RANBP2: variants seen among roughly 807,000 people sequenced by gnomAD.
RANBP2 encodes the protein E3 SUMO-protein ligase RanBP2.
RANBP2 carries 57 observed loss-of-function variants against 303.6 expected under a neutral mutation model. The ratio of observed to expected loss-of-function variants is 0.19; its 90% CI spans 0.15 to 0.23. RANBP2 has a LOEUF of 0.23. Among genes scored for constraint, RANBP2 ranks in the 10% least tolerant of loss-of-function variants. The probability of loss-of-function intolerance (pLI) is 1.00; values close to 1 mark genes in which losing one functional copy is unlikely to be tolerated. For synonymous variants in RANBP2, 1,167 were observed against 1,301.5 expected (o/e 0.90, Z 2.23); for missense variants, 3,138 against 3,780.8 (o/e 0.83, Z 4.46).
chr2:108,723,698 A>C lies in RANBP2; in HGVS notation c.72+4020A>C, dbSNP rs188117923. On this transcript the variant is annotated intron_variant, in intron 1 of 28. Transcript: ENST00000283195. ...TTGTTTAAATGAATATTTAACATTT[A>C]TATAAATATAAGGTAAATATTTTTG... Among the ~76,000 whole-genome samples the C allele has an allele frequency of 5.0e-3, 762 of 152,324 alleles. 4 individuals are homozygous for C. Among genetic ancestry groups the C allele is most frequent in the South Asian group, 0.021 (102 of 4,828 alleles).
the RANBP2 span, among the ~76,000 whole-genome samples, chr2:109,348,221 A>G: frequency 1.3e-5 from 2 of 152,230 alleles, no homozygotes; most frequent in Admixed American, 1.3e-4. Flanking sequence ...ATAAGCCTCC[A>G]TCAGCACCAG....
At chr2:109,242,531 A>T in the RANBP2 span, among the ~76,000 whole-genome samples, 1 of 152,282 alleles carries the variant, frequency 6.6e-6, no homozygotes, top group East Asian at 1.9e-4. Flanking sequence ...GTGAATGGCA[A>T]CAAGGCCAAG....
the RANBP2 span, among the ~76,000 whole-genome samples, chr2:109,218,577 G>A: frequency 3.3e-5 from 5 of 152,066 alleles, no homozygotes; most frequent in African/African-American, 1.2e-4. Context: ...TTCATCTCTC[G>A]GTCAAAATAC....
chr2:109,205,248 G>A, the RANBP2 span, among the ~76,000 whole-genome samples: 1 of 149,708 alleles, frequency 6.7e-6, no homozygotes, highest in Non-Finnish European at 1.5e-5. Context: ...AAAAATTAGA[G>A]CAACTTATGT....
the RANBP2 span, chr2:108,912,570 G>T: frequency 9.4e-7 from 1 of 1,064,990 alleles, no homozygotes; most frequent in Non-Finnish European, 1.4e-6. Context: ...GAGGCCAGGT[G>T]GGGAAGCGCA....
chr2:109,715,163 C>T, the RANBP2 span, among the ~76,000 whole-genome samples: 40 of 151,886 alleles, frequency 2.6e-4, no homozygotes, highest in Non-Finnish European at 4.0e-4. Flanking sequence ...GACGGGGTTT[C>T]ACCATGTTTG....
chr2:109,763,637 A>G, the RANBP2 span, among the ~76,000 whole-genome samples: 1 of 150,288 alleles, frequency 6.7e-6, no homozygotes, highest in Non-Finnish European at 1.5e-5. Context: ...TTAGGAAAGT[A>G]TACCTGTTAA....
chr2:109,095,715 T>A, the RANBP2 span, among the ~76,000 whole-genome samples: 3 of 152,186 alleles, frequency 2.0e-5, no homozygotes, highest in Non-Finnish European at 4.4e-5. Context: ...AACAGAAAAT[T>A]GTAAAGGGTT....
chr2:109,712,495 G>A, the RANBP2 span, among the ~76,000 whole-genome samples: 4 of 152,082 alleles, frequency 2.6e-5, no homozygotes, highest in Non-Finnish European at 5.9e-5. Flanking sequence ...ACAATAGCAC[G>A]ATCTCTGCTC....
chr2:109,474,704 A>G, the RANBP2 span, among the ~76,000 whole-genome samples: 1 of 152,210 alleles, frequency 6.6e-6, no homozygotes, highest in Non-Finnish European at 1.5e-5. Context: ...AAAGCATCGC[A>G]GATACTTCAC....
chr2:109,399,237 C>T, the RANBP2 span, among the ~76,000 whole-genome samples: 4 of 152,248 alleles, frequency 2.6e-5, no homozygotes, highest in East Asian at 3.9e-4. Context: ...AGCTTTTCCC[C>T]GTGTCAGTCG....
chr2:108,905,011 G>A, the RANBP2 span, among the ~76,000 whole-genome samples: 8 of 152,172 alleles, frequency 5.3e-5, no homozygotes, highest in Non-Finnish European at 4.4e-5. Context: ...CCACTGCATG[G>A]TAAGAAGTAT....
At chr2:109,562,354 C>T in the RANBP2 span, among the ~76,000 whole-genome samples, 1 of 151,946 alleles carries the variant, frequency 6.6e-6, no homozygotes, top group Non-Finnish European at 1.5e-5. Flanking sequence ...CTAACTTGGT[C>T]TCCCCACTTC....
Position 108,777,121 on chromosome 2 carries a change from T to C in RANBP2, c.8498-9T>C. 6.2e-7 allele frequency: 1 copy of C among 1,612,016 alleles called. No individual in the cohort carries two copies. The highest frequency in any genetic ancestry group is 8.5e-7 in the Non-Finnish European group (1 of 1,178,506). The stretch of plus-strand genomic sequence containing the variant: ...TAAATAGTAAATTGTTCTTTTTTTC[T>C]TTTGCCAGGGGAAAGCAAGATAGTT... On this transcript the variant is annotated splice_polypyrimidine_tract_variant and intron_variant, in intron 24 of 28. Transcript: ENST00000283195.
chr2:109,545,977 C>A, the RANBP2 span: 1 of 1,504,964 alleles, frequency 6.6e-7, no homozygotes, highest in South Asian at 1.4e-5. Context: ...AAGTAAGAAG[C>A]GCTAGGAAGA....
the RANBP2 span, among the ~76,000 whole-genome samples, chr2:109,126,170 C>T: frequency 1.3e-5 from 2 of 152,326 alleles, no homozygotes; most frequent in African/African-American, 2.4e-5. Context: ...CACCCTGCTT[C>T]GTTAATTTCA....
chr2:109,050,999 T>C, the RANBP2 span, among the ~76,000 whole-genome samples: 1 of 152,148 alleles, frequency 6.6e-6, no homozygotes, highest in Non-Finnish European at 1.5e-5. Context: ...TAAACCCAGC[T>C]TCCTCTGCCC....
chr2:109,673,554 G>A, the RANBP2 span, among the ~76,000 whole-genome samples: 1 of 152,202 alleles, frequency 6.6e-6, no homozygotes, highest in East Asian at 1.9e-4. Flanking sequence ...TAGTAGGGGA[G>A]AGACAGCTAA....
At chr2:109,114,920 A>C in the RANBP2 span, among the ~76,000 whole-genome samples, 1 of 152,224 alleles carries the variant, frequency 6.6e-6, no homozygotes, top group Admixed American at 6.5e-5. Flanking sequence ...CAAGTTGTTC[A>C]GTTTCCATGT....
Sources: allele counts gnomAD v4.1 joint callset (sites outside exome capture counted in the v4.1 genomes callset), GRCh38; gene constraint gnomAD v4.1.1; transcripts MANE v1.5; gene names NCBI Gene and HGNC (gene_info 2026-07-23, HGNC 2026-07-21).